The following CADM2 variants were observed in gnomAD, a reference collection of about 807,000 sequenced individuals.
CADM2 encodes the protein immunoglobulin superfamily member 4D.
In CADM2, 12 loss-of-function variants were observed where a neutral mutation model predicts 49.8. That is an observed-to-expected ratio of 0.24 (90% CI 0.15 to 0.39). The LOEUF (loss-of-function observed/expected upper bound fraction) is 0.39, where lower values mean the gene tolerates loss of function less well. Ranked by LOEUF, CADM2 falls within the 10% of genes least tolerant of loss-of-function variation. The pLI, the probability that CADM2 is intolerant of heterozygous loss-of-function variation, is 1.00. For synonymous variants in CADM2, 214 were observed against 175.4 expected (o/e 1.22, Z -1.74); for missense variants, 378 against 492.3 (o/e 0.77, Z 2.20).
intron 1 of CADM2, among the ~76,000 whole-genome samples, chr3:85,687,165 G>A (rs912120774): frequency 5.9e-5 from 9 of 152,098 alleles, no homozygotes; most frequent in African/African-American, 9.7e-5. Flanking sequence ...TAAATAGGTC[G>A]TATGTCACAA....
At chr3:85,990,125 C>A (rs1728608453) in intron 8 of CADM2, among the ~76,000 whole-genome samples, 1 of 147,248 alleles carries the variant, frequency 6.8e-6, no homozygotes. Context: ...TACAGATGGT[C>A]TCCAAATTAG....
At chr3:85,426,087 A>G (rs1264998184) in intron 1 of CADM2, among the ~76,000 whole-genome samples, 1 of 151,968 alleles carries the variant, frequency 6.6e-6, no homozygotes, top group Non-Finnish European at 1.5e-5. Flanking sequence ...CTCAACAACC[A>G]TGTGCAGGCA....
At chr3:85,122,784 G>A (rs984095383) in intron 1 of CADM2, among the ~76,000 whole-genome samples, 1 of 151,884 alleles carries the variant, frequency 6.6e-6, no homozygotes, top group Non-Finnish European at 1.5e-5. Context: ...GACCCTCAAG[G>A]AAATACCTTA....
intron 3 of CADM2, among the ~76,000 whole-genome samples, chr3:85,868,700 A>G (rs1282495472): frequency 6.6e-6 from 1 of 152,182 alleles, no homozygotes; most frequent in African/African-American, 2.4e-5. Flanking sequence ...TATGCCTTCA[A>G]TTCTGTTGTC....
chr3:85,031,686 TTG>T (rs1235729823), intron 1 of CADM2, among the ~76,000 whole-genome samples: 29 of 151,824 alleles, frequency 1.9e-4, no homozygotes, highest in African/African-American at 6.1e-4. Flanking sequence ...GGCTAATTTT[TTG>T]TGTATTTTTT....
chr3:85,882,430 C>G (rs1349625150), intron 3 of CADM2, among the ~76,000 whole-genome samples: 1 of 152,046 alleles, frequency 6.6e-6, no homozygotes. Context: ...TTGGGAGAAG[C>G]TGGGTCTGGA....
intron 8 of CADM2, among the ~76,000 whole-genome samples, chr3:86,061,984 G>A (rs1408059096): frequency 2.1e-5 from 2 of 96,682 alleles, no homozygotes; most frequent in African/African-American, 8.2e-5. Context: ...TGCTGTTGAT[G>A]GTGGGGGGGG....
intron 8 of CADM2, among the ~76,000 whole-genome samples, chr3:86,029,262 G>A (rs1734270664): frequency 1.3e-5 from 2 of 152,062 alleles, no homozygotes; most frequent in Admixed American, 1.3e-4. Flanking sequence ...AATTGGGTTA[G>A]CCTATGAATG....
At chr3:85,568,514 TC>T (rs2062379343) in intron 1 of CADM2, among the ~76,000 whole-genome samples, 1 of 129,524 alleles carries the variant, frequency 7.7e-6, no homozygotes, top group Non-Finnish European at 1.5e-5. Flanking sequence ...TTTCTTTCTT[TC>T]CTCCCTCCCT....
chr3:85,601,171 T>TACACACACAC (rs1213000087), intron 1 of CADM2, among the ~76,000 whole-genome samples: 4 of 100,140 alleles, frequency 4.0e-5, no homozygotes, highest in Non-Finnish European at 7.6e-5. Context: ...TATATATATA[T>TACACACACAC]ATACACACAC....
rs138510653 is a variant in CADM2 at position 84,963,785 on chromosome 3, G to A, written c.61+4117G>A. On this transcript the variant is annotated intron_variant, in intron 1 of 9. Coordinates refer to ENST00000383699, the MANE Select transcript of CADM2 (RefSeq NM_001167675.2). The stretch of plus-strand genomic sequence containing the variant: ...TATATACACTTAATGAAATACTTAC[G>A]CTTCCTAAAAGCATATCTTTCCAAC... 1.0e-2 allele frequency among the ~76,000 whole-genome samples: 1,518 copies of A among 152,106 alleles called. 37 individuals carry two copies. Among genetic ancestry groups the A allele is most frequent in the African/African-American group, 0.035 (1,456 of 41,484 alleles).
chr3:85,893,294 T>A (rs893834584), intron 5 of CADM2, among the ~76,000 whole-genome samples: 1 of 152,120 alleles, frequency 6.6e-6, no homozygotes, highest in Non-Finnish European at 1.5e-5. Context: ...GCTAGCCATA[T>A]GTAGAAAGCT....
Position 85,883,451 on chromosome 3 carries a change from C to A in CADM2, c.391+8C>A, listed in dbSNP as rs1713111626. On this transcript the variant is annotated splice_region_variant and intron_variant, in intron 4 of 9. Transcript: ENST00000383699. Reference sequence around the variant, plus strand: ...CATATCTCACCGTTCTGGGTAAGTGCAAGGGACTAACACCATGTAATCACA... The same window carrying A: ...CATATCTCACCGTTCTGGGTAAGTGAAAGGGACTAACACCATGTAATCACA... 1.9e-6 allele frequency: 3 copies of A among 1,611,122 alleles called. No individual in the cohort carries two copies. In the African/African-American group the frequency reaches 4.0e-5, roughly 21 times the overall value.
intron 1 of CADM2, among the ~76,000 whole-genome samples, chr3:84,984,046 TATACACACAC>T (rs1261803730): frequency 6.9e-5 from 8 of 115,638 alleles, no homozygotes; most frequent in Non-Finnish European, 9.1e-5. Flanking sequence ...TATATATATA[TATACACACAC>T]ACACACACAC....
At chr3:85,385,173 G>A (rs936624498) in intron 1 of CADM2, among the ~76,000 whole-genome samples, 11 of 152,124 alleles carry the variant, frequency 7.2e-5, no homozygotes, top group Non-Finnish European at 1.0e-4. Flanking sequence ...GTCCTCAGGT[G>A]ATCCACCTGC....
intron 7 of CADM2, among the ~76,000 whole-genome samples, chr3:85,946,887 C>T (rs753326608): frequency 6.6e-6 from 1 of 152,066 alleles, no homozygotes; most frequent in Non-Finnish European, 1.5e-5. Flanking sequence ...TAGGCACATG[C>T]CAGGACTTCA....
At chr3:85,983,533 T>A (rs754991660) in intron 8 of CADM2, among the ~76,000 whole-genome samples, 1 of 151,680 alleles carries the variant, frequency 6.6e-6, no homozygotes, top group Admixed American at 6.6e-5. Context: ...TATGAAAACA[T>A]AAGCAATACT....
chr3:85,814,200 TGTC>T (rs1247448474), intron 3 of CADM2, among the ~76,000 whole-genome samples: 3 of 152,208 alleles, frequency 2.0e-5, no homozygotes, highest in African/African-American at 7.2e-5. Flanking sequence ...CATTTGTTTG[TGTC>T]CTCTCTTATT....
At chr3:85,918,840 A>G (rs1718728006) in intron 6 of CADM2, among the ~76,000 whole-genome samples, 1 of 152,220 alleles carries the variant, frequency 6.6e-6, no homozygotes, top group African/African-American at 2.4e-5. Context: ...TTTGTAAAAT[A>G]ACTTTTTATT....
Sources: allele counts gnomAD v4.1 joint callset (sites outside exome capture counted in the v4.1 genomes callset), GRCh38; gene constraint gnomAD v4.1.1; transcripts MANE v1.5; gene names NCBI Gene and HGNC (gene_info 2026-07-23, HGNC 2026-07-21).